FCGR2A: variants seen among roughly 807,000 people sequenced by gnomAD.
FCGR2A encodes Fc gamma receptor IIa, also known as low affinity immunoglobulin gamma Fc region receptor II-a.
FCGR2A carries 18 observed loss-of-function variants against 29.3 expected under a neutral mutation model. That is an observed-to-expected ratio of 0.62 (90% CI 0.43 to 0.91). The LOEUF (loss-of-function observed/expected upper bound fraction) is 0.91, where lower values mean the gene tolerates loss of function less well. Ranked by LOEUF, FCGR2A falls within the 40% of genes least tolerant of loss-of-function variation. The pLI, the probability that FCGR2A is intolerant of heterozygous loss-of-function variation, is 0.00. For missense variants in FCGR2A, 287 were observed against 393.0 expected (o/e 0.73, Z 2.28); for synonymous variants, 126 against 144.8 (o/e 0.87, Z 0.93).
chr1:161,522,791 C>T (rs1385502121), downstream of FCGR2A: 2 of 152,068 alleles, frequency 1.3e-5, no homozygotes, highest in African/African-American at 4.8e-5. Context: ...GATCACCTTA[C>T]CAGTACGGCT....
Position 161,505,475 on chromosome 1 carries a change from T to G in FCGR2A, c.8T>G (p.Met3Arg), listed in dbSNP as rs1448440069. 4 of 1,613,016 alleles carry G rather than the reference T, an allele frequency of 2.5e-6. No homozygotes were observed. In the African/African-American group the frequency reaches 5.3e-5, roughly 22 times the overall value. The change falls in exon 1 of 7, where the codon ATG becomes AGG. Residue 3 changes from methionine (M) to arginine (R), a missense_variant. Physicochemically the swap from Met to Arg is moderately conservative, Grantham distance 91 (BLOSUM62 -1). This residue lies in a region of FCGR2A where 181 missense variants were observed against 250.9 expected (regional missense o/e 0.72). Coordinates refer to ENST00000271450, the MANE Select transcript of FCGR2A (RefSeq NM_001136219.3). MT[M>R]ETQMSQNVCP... ...CGTTGGCACAGTGCTGGGATGACTA[T>G]GGAGACCCAAATGTCTCAGAATGTA...
At chr1:161,515,241 G>T (rs982807889) in intron 6 of FCGR2A, among the ~76,000 whole-genome samples, 3 of 152,198 alleles carry the variant, frequency 2.0e-5, no homozygotes, top group African/African-American at 7.2e-5. Flanking sequence ...GTGCTAATAA[G>T]AAAGTATTCT....
At chr1:161,514,187 C>G (rs11801022) in intron 6 of FCGR2A, among the ~76,000 whole-genome samples, 12,274 of 151,098 alleles carry the variant, frequency 0.081, 629 homozygotes, top group Middle Eastern at 0.13. Flanking sequence ...TTATGTTAGA[C>G]AGAAATAAGA....
intron 6 of FCGR2A, among the ~76,000 whole-genome samples, chr1:161,517,670 C>G (rs1676227039): frequency 1.3e-5 from 2 of 152,032 alleles, no homozygotes; most frequent in South Asian, 2.1e-4. Flanking sequence ...TGTTTGATGA[C>G]TTGAAACTTT....
downstream of FCGR2A, among the ~76,000 whole-genome samples, chr1:161,521,892 C>T (rs1444939013): frequency 6.6e-6 from 1 of 152,090 alleles, no homozygotes; most frequent in Non-Finnish European, 1.5e-5. Flanking sequence ...CTAACACATA[C>T]AACTTGCTTT....
At chr1:161,521,963 ATTACT>A (rs751877913), downstream of FCGR2A, among the ~76,000 whole-genome samples, 47 of 152,130 alleles carry the variant, frequency 3.1e-4, 1 homozygote, top group South Asian at 3.7e-3. Flanking sequence ...TATTTAAGTC[ATTACT>A]TTAAGGTCGG....
At chr1:161,505,823 T>C (rs762655235) in intron 1 of FCGR2A, 164 bp from the exon 2 acceptor site, 17 of 759,240 alleles carry the variant, frequency 2.2e-5, no homozygotes, top group Non-Finnish European at 4.0e-5. Context: ...AAAGGGGACA[T>C]ATGAAGTGAA....
intron 4 of FCGR2A, 33 bp downstream of exon 4, chr1:161,510,107 A>T (rs2102467856): frequency 6.2e-7 from 1 of 1,610,814 alleles, no homozygotes; most frequent in South Asian, 1.1e-5. Flanking sequence ...TAGGGAGGGG[A>T]GAAGAGGGGA....
At chr1:161,506,089 G>A (rs879123260) in intron 2 of FCGR2A, 82 bp downstream of exon 2, 4 of 1,433,230 alleles carry the variant, frequency 2.8e-6, no homozygotes, top group East Asian at 2.3e-5. Context: ...CGGCGGGGGG[G>A]TATGTCTATT....
downstream of FCGR2A, among the ~76,000 whole-genome samples, chr1:161,522,396 T>G (rs1436171057): frequency 6.6e-5 from 10 of 152,104 alleles, no homozygotes; most frequent in Non-Finnish European, 1.2e-4. Context: ...TGTGGTAACA[T>G]TCATAGGCTG....
At chr1:161,510,379 C>T in intron 4 of FCGR2A, 1 of 612,266 alleles carries the variant, frequency 1.6e-6, no homozygotes, top group Non-Finnish European at 2.9e-6. Flanking sequence ...AGCTCCTGGG[C>T]ATTCCTAAGA....
downstream of FCGR2A, among the ~76,000 whole-genome samples, chr1:161,521,888 C>T (rs1676466498): frequency 6.6e-6 from 1 of 152,088 alleles, no homozygotes; most frequent in African/African-American, 2.4e-5. Flanking sequence ...TGGGCTAACA[C>T]ATACAACTTG....
Position 161,513,947 on chromosome 1 carries a change from C to T in FCGR2A, c.780+15C>T, listed in dbSNP as rs199957022. 1.2e-6 allele frequency: 2 copies of T among 1,614,204 alleles called. No homozygotes were observed. Among genetic ancestry groups the T allele is most frequent in the Non-Finnish European group, 1.7e-6 (2 of 1,180,012 alleles). ...CCCAATTTGAGGTGAGTAATCCCAG[C>T]CATCTCCTTTTCCTCCTGCCTTGTC... On this transcript the variant is annotated intron_variant, in intron 6 of 6. Transcript: ENST00000271450.
chr1:161,506,609 C>T lies in FCGR2A; in HGVS notation c.364+18C>T, dbSNP rs1358218842. On this transcript the variant is annotated intron_variant, in intron 3 of 6. Coordinates refer to ENST00000271450, the MANE Select transcript of FCGR2A (RefSeq NM_001136219.3). ...GCTTTCCGGTCAGTGGAGGAAGGCC[C>T]CAGGGTGGACCTGGGAGGGCCAGGA... The T allele has an allele frequency of 3.7e-6, 6 of 1,613,646 alleles. No individual in the cohort carries two copies. Among genetic ancestry groups the T allele is most frequent in the Middle Eastern group, 3.3e-4 (2 of 6,054 alleles).
Position 161,506,484 on chromosome 1 carries a change from C to T in FCGR2A, c.257C>T (p.Thr86Met), listed in dbSNP as rs202091810. 1.7e-5 allele frequency: 28 copies of T among 1,614,210 alleles called. No homozygotes were observed. In the East Asian group the frequency reaches 1.8e-4, roughly 10 times the overall value. ...AATGGGAATCTCATTCCCACCCACA[C>T]GCAGCCCAGCTACAGGTTCAAGGCC... Reference protein sequence around the residue: ...FHNGNLIPTHTQPSYRFKANN... With the variant: ...FHNGNLIPTHMQPSYRFKANN... Residue 86 changes from threonine (T) to methionine (M), a missense_variant, in exon 3 of 7, where the codon ACG becomes ATG. Physicochemically the swap from Thr to Met is moderately conservative, Grantham distance 81 (BLOSUM62 -1). Around this residue, in one of 3 missense-constraint regions of FCGR2A, gnomAD observed 181 missense variants for 250.9 expected, o/e 0.72. Coordinates refer to ENST00000271450, the MANE Select transcript of FCGR2A (RefSeq NM_001136219.3).
chr1:161,522,114 C>T (rs12033211), downstream of FCGR2A, among the ~76,000 whole-genome samples: 359 of 143,466 alleles, frequency 2.5e-3, no homozygotes, highest in South Asian at 4.5e-3. Flanking sequence ...AGAGGTGGGA[C>T]TGATTGAGGC....
At chr1:161,513,989 C>T in intron 6 of FCGR2A, 57 bp downstream of exon 6, 2 of 1,613,350 alleles carry the variant, frequency 1.2e-6, no homozygotes, top group South Asian at 2.2e-5. Flanking sequence ...CTCCTGTTTC[C>T]TCTCATTTTT....
At position 161,506,137 on chromosome 1, in the gene FCGR2A, C is replaced by A. The variant is rs1457136575; in HGVS notation, c.106+130C>A. The stretch of plus-strand genomic sequence containing the variant: ...AAGCTTGGGTTCAGCATGGGCAGTT[C>A]CCCCATTTTAGTGGGGTCTGGGATT... On this transcript the variant is annotated intron_variant, in intron 2 of 6. Transcript: ENST00000271450. 5 of 1,266,460 alleles carry A rather than the reference C, an allele frequency of 3.9e-6. No homozygotes were observed. In the African/African-American group the frequency reaches 4.4e-5, roughly 11 times the overall value. 78.5% of individuals were successfully genotyped at this position (1,266,460 alleles called of 1,614,324 possible).
chr1:161,509,036 T>C lies in FCGR2A; in HGVS notation c.365-784T>C, dbSNP rs577799466. On this transcript the variant is annotated intron_variant, in intron 3 of 6. Transcript: ENST00000271450. ...AATCAAATAGCAACCCCCAGGGTGATGGTATTAGGAGGTGAGGTCTTTGGG... is the reference window on the plus strand; with the variant it reads ...AATCAAATAGCAACCCCCAGGGTGACGGTATTAGGAGGTGAGGTCTTTGGG... Among the ~76,000 whole-genome samples the C allele has an allele frequency of 4.6e-5, 7 of 152,238 alleles. No individual in the cohort carries two copies. In the South Asian group the frequency reaches 1.2e-3, roughly 27 times the overall value.
Sources: gnomAD v4.1 joint callset for allele counts (sites outside exome capture counted in the v4.1 genomes callset) on GRCh38, gnomAD v4.1.1 for gene constraint, gnomAD v4.1.1 regional missense constraint, MANE v1.5 for transcripts, NCBI Gene and HGNC (gene_info 2026-07-23, HGNC 2026-07-21) for gene names.